Variants in RPS6KC1 observed in about 807,000 individuals in gnomAD.
The protein encoded by RPS6KC1 is inactive ribosomal protein S6 kinase delta-1.
A neutral mutation model predicts 103.8 loss-of-function variants in RPS6KC1; 54 were observed. The observed-to-expected ratio is 0.52, with a 90% CI of 0.42 to 0.65. The LOEUF is 0.65. Ranked by LOEUF, RPS6KC1 falls within the 30% of genes least tolerant of loss-of-function variation. RPS6KC1 has a pLI of 0.00. For synonymous variants in RPS6KC1, 439 were observed against 438.7 expected (o/e 1.00, Z -0.01); for missense variants, 1,151 against 1,253.8 (o/e 0.92, Z 1.24).
At chr1:213,428,590 T>TCCTC in the RPS6KC1 span, 1 of 76,296 alleles carries the variant, frequency 1.3e-5, no homozygotes. Context: ...CTCCCTCCCT[T>TCCTC]CCTGCCTCCC....
chr1:213,446,478 G>A, the RPS6KC1 span, among the ~76,000 whole-genome samples: 1 of 152,184 alleles, frequency 6.6e-6, no homozygotes, highest in Non-Finnish European at 1.5e-5. Context: ...CTTTAAGGTA[G>A]AATTTCTTCT....
the RPS6KC1 span, among the ~76,000 whole-genome samples, chr1:213,767,380 A>G: frequency 6.6e-6 from 1 of 152,090 alleles, no homozygotes. Flanking sequence ...ATATGTATAT[A>G]TATATAGCCA....
At chr1:213,683,584 G>T in the RPS6KC1 span, among the ~76,000 whole-genome samples, 1 of 152,100 alleles carries the variant, frequency 6.6e-6, no homozygotes, top group Non-Finnish European at 1.5e-5. Context: ...ATTTAGCTCG[G>T]CTTGGAAGGG....
At chr1:213,562,288 T>A in the RPS6KC1 span, among the ~76,000 whole-genome samples, 7 of 150,972 alleles carry the variant, frequency 4.6e-5, no homozygotes, top group African/African-American at 1.7e-4. Flanking sequence ...GCCCAGCATA[T>A]GATCAAGTTT....
chr1:213,818,367 G>A, the RPS6KC1 span: 1 of 152,570 alleles, frequency 6.6e-6, no homozygotes, highest in African/African-American at 2.4e-5. Flanking sequence ...GAAATTAAAA[G>A]TGCTACTCCA....
chr1:213,083,877 CTG>C (rs907114822), intron 3 of RPS6KC1, among the ~76,000 whole-genome samples: 8 of 152,150 alleles, frequency 5.3e-5, no homozygotes, highest in African/African-American at 1.9e-4. Context: ...ATAAAAAAGA[CTG>C]TAGCTTCCAT....
the RPS6KC1 span, among the ~76,000 whole-genome samples, chr1:213,707,615 C>A: frequency 6.6e-6 from 1 of 152,278 alleles, no homozygotes; most frequent in East Asian, 1.9e-4. Context: ...GAAGTCTTTG[C>A]CCATGCTATG....
intron 4 of RPS6KC1, among the ~76,000 whole-genome samples, chr1:213,106,712 T>G (rs2082535599): frequency 6.6e-6 from 1 of 152,206 alleles, no homozygotes. Context: ...ACCACATACA[T>G]AAGAGTAGAA....
chr1:213,274,252 G>C lies in RPS6KC1; in HGVS notation c.*1618G>C, dbSNP rs1357175083. On this transcript the variant is annotated 3_prime_UTR_variant, in exon 15 of 15. Transcript: ENST00000366960. Reference sequence around the variant, plus strand: ...CACTAGTCCCCTGGCCTCATAACAGGAACTTATGCAGGTGAGACACAAGAA... The same window carrying C: ...CACTAGTCCCCTGGCCTCATAACAGCAACTTATGCAGGTGAGACACAAGAA... 1 of 152,138 alleles carries C rather than the reference G, an allele frequency of 6.6e-6. No individual in the cohort carries two copies. Among genetic ancestry groups the C allele is most frequent in the African/African-American group, 2.4e-5 (1 of 41,410 alleles). 9.4% of individuals were successfully genotyped at this position (152,138 alleles called of 1,614,324 possible).
the RPS6KC1 span, among the ~76,000 whole-genome samples, chr1:213,474,524 C>T: frequency 6.6e-6 from 1 of 152,132 alleles, no homozygotes; most frequent in East Asian, 1.9e-4. Flanking sequence ...ATTTATCAAG[C>T]AGGCTGAAGG....
the RPS6KC1 span, among the ~76,000 whole-genome samples, chr1:213,474,648 CGCATATGT>C: frequency 1.3e-4 from 20 of 152,082 alleles, no homozygotes; most frequent in African/African-American, 4.8e-4. Flanking sequence ...CTGAGCAGAG[CGCATATGT>C]ATCTGTGTCT....
the RPS6KC1 span, among the ~76,000 whole-genome samples, chr1:213,630,540 C>T: frequency 3.9e-5 from 6 of 151,986 alleles, no homozygotes; most frequent in East Asian, 5.8e-4. Flanking sequence ...TCCTTTAGCT[C>T]GGAGTAGTTT....
the RPS6KC1 span, among the ~76,000 whole-genome samples, chr1:213,571,962 T>C: frequency 6.6e-6 from 1 of 152,162 alleles, no homozygotes; most frequent in Non-Finnish European, 1.5e-5. Flanking sequence ...TGAACCACTC[T>C]TAGATTCACA....
At chr1:213,113,923 C>CT (rs1291444180) in intron 4 of RPS6KC1, among the ~76,000 whole-genome samples, 1 of 152,132 alleles carries the variant, frequency 6.6e-6, no homozygotes, top group African/African-American at 2.4e-5. Flanking sequence ...ATCTATATCT[C>CT]TATTTTGGTA....
the RPS6KC1 span, among the ~76,000 whole-genome samples, chr1:213,483,342 G>A: frequency 0.05 from 7,564 of 152,238 alleles, 610 homozygotes; most frequent in African/African-American, 0.17. Context: ...TGGGGACACA[G>A]CCAAGCTGTA....
chr1:213,135,292 T>C (rs2086148243), intron 6 of RPS6KC1, among the ~76,000 whole-genome samples: 1 of 152,250 alleles, frequency 6.6e-6, no homozygotes, highest in Middle Eastern at 3.4e-3. Context: ...ATTTTTATCT[T>C]AAGTTTGAAC....
At chr1:213,106,594 A>T (rs1419666467) in intron 4 of RPS6KC1, among the ~76,000 whole-genome samples, 1 of 152,184 alleles carries the variant, frequency 6.6e-6, no homozygotes, top group Non-Finnish European at 1.5e-5. Flanking sequence ...TGGGGTAGCT[A>T]ATTCACAGGG....
At chr1:213,301,054 G>A in the RPS6KC1 span, among the ~76,000 whole-genome samples, 10 of 152,202 alleles carry the variant, frequency 6.6e-5, no homozygotes, top group South Asian at 4.2e-4. Context: ...TGTCAGGGGC[G>A]CCCCCTCTAC....
downstream of RPS6KC1, among the ~76,000 whole-genome samples, chr1:213,278,307 A>G (rs1024698462): frequency 2.6e-5 from 4 of 152,124 alleles, no homozygotes; most frequent in Admixed American, 6.5e-5. Context: ...AGGGGACTGT[A>G]GAAGAATTGG....
Sources: gnomAD v4.1 joint callset for allele counts (sites outside exome capture counted in the v4.1 genomes callset) on GRCh38, gnomAD v4.1.1 for gene constraint, MANE v1.5 for transcripts, NCBI Gene and HGNC (gene_info 2026-07-23, HGNC 2026-07-21) for gene names.